Variants in WDR3 observed in about 807,000 individuals in gnomAD.
WDR3 encodes WD repeat-containing protein 3.
In WDR3, 81 loss-of-function variants were observed where a neutral mutation model predicts 123.7. That is an observed-to-expected ratio of 0.65 (90% CI 0.55 to 0.79). WDR3 has a LOEUF of 0.79. Among genes scored for constraint, WDR3 ranks in the 30% least tolerant of loss-of-function variants. WDR3 has a pLI of 0.00. For missense variants in WDR3, 1,027 were observed against 1,123.2 expected (o/e 0.91, Z 1.22); for synonymous variants, 390 against 388.8 (o/e 1.00, Z -0.04).
intron 26 of WDR3, 46 bp from the exon 27 acceptor site, chr1:117,959,241 ATGAAT>A (rs1652676076): frequency 6.3e-7 from 1 of 1,583,252 alleles, no homozygotes; most frequent in Non-Finnish European, 8.6e-7. Context: ...CGCTGCTATA[ATGAAT>A]TGAAGTGGGA....
chr1:117,933,224 T>C, intron 1 of WDR3, 64 bp from the exon 2 acceptor site: 4 of 1,393,182 alleles, frequency 2.9e-6, no homozygotes, highest in Non-Finnish European at 3.9e-6. Context: ...AAACAGTTGG[T>C]GTTTACTAAC....
intron 6 of WDR3, among the ~76,000 whole-genome samples, chr1:117,939,876 T>G (rs1386171287): frequency 1.3e-5 from 2 of 152,212 alleles, no homozygotes; most frequent in Non-Finnish European, 2.9e-5. Flanking sequence ...TCTGTGAACC[T>G]TTCCCCTCAA....
At chr1:117,940,488 C>G (rs1651104699) in intron 6 of WDR3, among the ~76,000 whole-genome samples, 1 of 152,088 alleles carries the variant, frequency 6.6e-6, no homozygotes, top group South Asian at 2.1e-4. Flanking sequence ...CTTTGGGAGG[C>G]TGAGATAGGA....
At position 117,949,841 on chromosome 1, in the gene WDR3, G is replaced by A. The variant is rs767483610; in HGVS notation, c.1610+5G>A. On this transcript the variant is annotated splice_donor_5th_base_variant and intron_variant, in intron 14 of 26. Transcript: ENST00000349139. The stretch of plus-strand genomic sequence containing the variant: ...TGAAAATAGTACCCAAAAGAGGTGA[G>A]TAGACATTTTTTGTGTCCATTTTTT... 94 of 1,613,472 alleles carry A rather than the reference G, an allele frequency of 5.8e-5. No homozygotes were observed. Among genetic ancestry groups the A allele is most frequent in the Non-Finnish European group, 7.0e-5 (83 of 1,179,710 alleles).
At chr1:117,952,432 G>C (rs767977127) in intron 18 of WDR3, 24 bp downstream of exon 18, 5 of 1,605,362 alleles carry the variant, frequency 3.1e-6, no homozygotes, top group Non-Finnish European at 4.2e-6. Context: ...TTCTGTGCTT[G>C]CTTGGTACTT....
Position 117,942,573 on chromosome 1 carries a change from T to C in WDR3, c.1097+29T>C, listed in dbSNP as rs1035598042. On this transcript the variant is annotated intron_variant, in intron 10 of 26. Coordinates refer to ENST00000349139, the MANE Select transcript of WDR3 (RefSeq NM_006784.3). The stretch of plus-strand genomic sequence containing the variant: ...AGTAAAAATAAATTATCTGAAGTTA[T>C]AGAAATAGTAAGCTACCAAGTATTA... The C allele has an allele frequency of 1.7e-5, 27 of 1,581,472 alleles. No homozygotes were observed. The East Asian group carries it at 5.8e-4, about 34-fold the overall frequency.
chr1:117,956,104 A>G (rs958608773), intron 24 of WDR3, among the ~76,000 whole-genome samples: 2 of 152,126 alleles, frequency 1.3e-5, no homozygotes, highest in African/African-American at 4.8e-5. Flanking sequence ...ACATTTCAGC[A>G]TATTTGTTGA....
At chr1:117,936,494 G>C (rs1571009757) in intron 3 of WDR3, among the ~76,000 whole-genome samples, 1 of 152,124 alleles carries the variant, frequency 6.6e-6, no homozygotes, top group Non-Finnish European at 1.5e-5. Flanking sequence ...ATAAAGAAAA[G>C]GTTGTAAAAT....
rs374145170 is a variant in WDR3, at chr1:117,959,002, G to A, written c.2675G>A (p.Arg892Gln). 20 of 1,613,386 alleles carry A rather than the reference G, an allele frequency of 1.2e-5. No individual in the cohort carries two copies. The highest frequency in any genetic ancestry group is 2.7e-5 in the African/African-American group (2 of 74,868). ...ACTATTTCAAAAGTCAGCCAAGTCC[G>A]GGTAAGTGTCTTTGTATAGAGATAA... is the stretch of plus-strand genomic sequence containing the variant. ...ETTISKVSQV[R>Q]DVIGFNMAGL... The change falls in exon 26 of 27, where the codon CGG (arginine) becomes CAG (glutamine). Residue 892 changes from arginine to glutamine, a missense_variant and splice_region_variant. By Grantham distance (43) the Arg-to-Gln change is conservative. Transcript: ENST00000349139.
At chr1:117,939,692 A>G (rs2101200037) in intron 6 of WDR3, 120 bp downstream of exon 6, 1 of 936,418 alleles carries the variant, frequency 1.1e-6, no homozygotes, top group Middle Eastern at 2.4e-4. Flanking sequence ...TATCACACCA[A>G]TAACCTGCAA....
At chr1:117,955,381 T>C in intron 24 of WDR3, 23 bp downstream of exon 24, 1 of 1,608,896 alleles carries the variant, frequency 6.2e-7, no homozygotes, top group Non-Finnish European at 8.5e-7. Flanking sequence ...TTGCGCACAA[T>C]TTTTGTAATC....
At position 117,963,935 on chromosome 1, in the gene WDR3, A is replaced by G. The variant is rs756668501; in HGVS notation, c.*4488A>G. 5.0e-6 allele frequency: 8 copies of G among 1,613,750 alleles called. No homozygotes were observed. Among genetic ancestry groups the G allele is most frequent in the Non-Finnish European group, 5.9e-6 (7 of 1,179,786 alleles). ...TTTATCATAATTGCTGCTTGTTAAA[A>G]CAGGTAAAATACTTGTTAAGGGCTG... On this transcript the variant is annotated 3_prime_UTR_variant, in exon 27 of 27. Transcript: ENST00000349139.
intron 24 of WDR3, among the ~76,000 whole-genome samples, chr1:117,956,815 T>C (rs776908121): frequency 6.6e-5 from 10 of 152,164 alleles, no homozygotes; most frequent in Non-Finnish European, 1.2e-4. Context: ...TTTGGAGATA[T>C]TGTTTATCTG....
At chr1:117,953,087 A>G in intron 20 of WDR3, 91 bp downstream of exon 20, 1 of 1,440,178 alleles carries the variant, frequency 6.9e-7, no homozygotes, top group South Asian at 1.2e-5. Flanking sequence ...TAATAGAATT[A>G]AAATTGAGGC....
Position 117,963,724 on chromosome 1 carries a change from G to C in WDR3, c.*4277G>C. The C allele has an allele frequency of 7.3e-7, 1 of 1,379,058 alleles. No homozygotes were observed. The highest frequency in any genetic ancestry group is 9.9e-7 in the Non-Finnish European group (1 of 1,007,584). The allele number at this position is 1,379,058 out of a possible 1,614,324, so 85.4% of individuals were successfully genotyped here. Reference sequence around the variant, plus strand: ...TTATAGGTTTCTGACTATAAGAAGAGGGGAAGAAACCTGGGGTCTAATACC... The same window carrying C: ...TTATAGGTTTCTGACTATAAGAAGACGGGAAGAAACCTGGGGTCTAATACC... On this transcript the variant is annotated 3_prime_UTR_variant, in exon 27 of 27. Transcript: ENST00000349139.
In WDR3 at chr1:117,962,632, G is replaced by T. The variant is rs1653261430; in HGVS notation, c.*3185G>T. The T allele has an allele frequency of 6.6e-6, 1 of 152,010 alleles. No homozygotes were observed. Among genetic ancestry groups the T allele is most frequent in the Non-Finnish European group, 1.5e-5 (1 of 68,016 alleles). 9.4% of individuals were successfully genotyped at this position (152,010 alleles called of 1,614,324 possible). On this transcript the variant is annotated 3_prime_UTR_variant, in exon 27 of 27. Transcript: ENST00000349139. ...AAAAATGTATATATCCATCCACTTA[G>T]AGAAAATATGCTTAAAAATTTTGAA...
In WDR3 at chr1:117,952,308, T is replaced by G. The variant is rs750691203; in HGVS notation, c.1916T>G (p.Leu639Arg). 3.1e-6 allele frequency: 5 copies of G among 1,611,432 alleles called. No individual in the cohort carries two copies. Among genetic ancestry groups the G allele is most frequent in the Non-Finnish European group, 4.2e-6 (5 of 1,178,706 alleles). The change falls in exon 18 of 27, where the codon CTA becomes CGA. Residue 639 changes from leucine to arginine, a missense_variant. Leu to Arg is a moderately radical substitution (Grantham distance 102). Transcript: ENST00000349139. ...LFAHDDSVMY[L>R]QFVPKSHLFF... ...CTGTCACTTTTCAGTGTGATGTACCTACAGTTTGTACCCAAGTCTCACCTC... is the reference window on the plus strand; with the variant it reads ...CTGTCACTTTTCAGTGTGATGTACCGACAGTTTGTACCCAAGTCTCACCTC...
chr1:117,942,929 C>T (rs1651228025), intron 10 of WDR3, among the ~76,000 whole-genome samples: 2 of 140,604 alleles, frequency 1.4e-5, no homozygotes, highest in Admixed American at 7.2e-5. Flanking sequence ...AAAGCCTACT[C>T]AGCTACTACT....
At chr1:117,956,460 C>CATCTTTATCCTA (rs1652209926) in intron 24 of WDR3, among the ~76,000 whole-genome samples, 2 of 152,098 alleles carry the variant, frequency 1.3e-5, no homozygotes, top group African/African-American at 2.4e-5. Flanking sequence ...AACTTCACTA[C>CATCTTTATCCTA]AGGAATGTAA....
Sources: gnomAD v4.1 joint callset for allele counts (sites outside exome capture counted in the v4.1 genomes callset) on GRCh38, gnomAD v4.1.1 for gene constraint, MANE v1.5 for transcripts, NCBI Gene and HGNC (gene_info 2026-07-23, HGNC 2026-07-21) for gene names.